CDH11: variants seen among roughly 807,000 people sequenced by gnomAD.
CDH11 encodes the protein cadherin 11.
In CDH11, 11 loss-of-function variants were observed where a neutral mutation model predicts 67.8. That is an observed-to-expected ratio of 0.16 (90% CI 0.10 to 0.27). The LOEUF (loss-of-function observed/expected upper bound fraction) is 0.27. Among genes scored for constraint, CDH11 ranks in the 10% least tolerant of loss-of-function variants. The pLI, the probability that CDH11 is intolerant of heterozygous loss-of-function variation, is 1.00. For synonymous variants in CDH11, 419 were observed against 400.0 expected (o/e 1.05, Z -0.57); for missense variants, 847 against 1,031.2 (o/e 0.82, Z 2.45).
intron 2 of CDH11, among the ~76,000 whole-genome samples, chr16:65,021,946 T>A (rs1022600882): frequency 2.0e-5 from 3 of 150,482 alleles, no homozygotes; most frequent in African/African-American, 7.3e-5. Context: ...GGGTAAAGTT[T>A]AAGTAAATGG....
At chr16:65,032,265 T>C (rs575450618) in intron 2 of CDH11, among the ~76,000 whole-genome samples, 5 of 151,192 alleles carry the variant, frequency 3.3e-5, no homozygotes, top group African/African-American at 1.2e-4. Flanking sequence ...GACAGGCAGA[T>C]TGCTTGAACT....
Position 65,021,193 on chromosome 16 carries a change from A to G in CDH11, c.-172-16152T>C, listed in dbSNP as rs182295017. 7.2e-5 allele frequency among the ~76,000 whole-genome samples: 11 copies of G among 152,294 alleles called. No individual in the cohort carries two copies. The East Asian group carries it at 1.9e-3, about 27-fold the overall frequency. On this transcript the variant is annotated intron_variant, in intron 2 of 12. Transcript: ENST00000268603. ...TATATTCCCTACATAGTTATTACACACCAAAGCTCTCTCATAATCCAAAGT... is the reference window on the plus strand; with the variant it reads ...TATATTCCCTACATAGTTATTACACGCCAAAGCTCTCTCATAATCCAAAGT...
chr16:65,000,580 T>C (rs1567519634), intron 3 of CDH11, among the ~76,000 whole-genome samples: 1 of 152,168 alleles, frequency 6.6e-6, no homozygotes, highest in Non-Finnish European at 1.5e-5. Flanking sequence ...GCAGATCACT[T>C]GAGGTCGGGG....
chr16:65,107,925 T>C (rs780310516), intron 1 of CDH11, among the ~76,000 whole-genome samples: 3 of 152,144 alleles, frequency 2.0e-5, no homozygotes, highest in Non-Finnish European at 4.4e-5. Flanking sequence ...TTATCAGCAA[T>C]GCCAGCATTG....
intron 1 of CDH11, among the ~76,000 whole-genome samples, chr16:65,093,547 T>G (rs565166685): frequency 1.3e-5 from 2 of 152,186 alleles, no homozygotes; most frequent in South Asian, 4.2e-4. Flanking sequence ...GGATTATTTT[T>G]CGACATGAAT....
chr16:65,048,027 G>T (rs150110048), intron 2 of CDH11, among the ~76,000 whole-genome samples: 357 of 152,304 alleles, frequency 2.3e-3, no homozygotes, highest in Non-Finnish European at 3.9e-3. Context: ...TTCTTTGGAA[G>T]CAACAGTACG....
intron 2 of CDH11, among the ~76,000 whole-genome samples, chr16:65,019,881 C>T (rs920965246): frequency 1.3e-4 from 20 of 151,956 alleles, no homozygotes; most frequent in Non-Finnish European, 2.5e-4. Flanking sequence ...AATTCTTTAA[C>T]CCTCTAAACT....
chr16:65,059,721 T>C (rs1294894656), intron 1 of CDH11: 1 of 152,194 alleles, frequency 6.6e-6, no homozygotes, highest in African/African-American at 2.4e-5. Context: ...CCAGGGACAA[T>C]AGAATTCTTG....
At chr16:65,030,672 G>A (rs1444183370) in intron 2 of CDH11, among the ~76,000 whole-genome samples, 1 of 152,206 alleles carries the variant, frequency 6.6e-6, no homozygotes. Flanking sequence ...CAAGGCTCAA[G>A]TGATTCTCCT....
intron 12 of CDH11, chr16:64,948,890 G>A (rs979270003): frequency 1.2e-6 from 1 of 827,954 alleles, no homozygotes; most frequent in Admixed American, 2.9e-5. Context: ...TATTCCATTA[G>A]AAGGCTCTCC....
chr16:65,074,961 G>A (rs889638134), intron 1 of CDH11, among the ~76,000 whole-genome samples: 30 of 152,166 alleles, frequency 2.0e-4, no homozygotes, highest in Admixed American at 1.7e-3. Flanking sequence ...GCACACACAT[G>A]CGCACATACA....
At chr16:65,015,037 T>TTATTATTATTATTAC (rs2073271817) in intron 2 of CDH11, among the ~76,000 whole-genome samples, 1 of 147,564 alleles carries the variant, frequency 6.8e-6, no homozygotes, top group African/African-American at 2.5e-5. Flanking sequence ...ATTATTATTA[T>TTATTATTATTATTAC]TATTATTATT....
chr16:65,006,608 C>A (rs1050525055), intron 2 of CDH11, among the ~76,000 whole-genome samples: 4 of 152,186 alleles, frequency 2.6e-5, no homozygotes, highest in Admixed American at 2.0e-4. Flanking sequence ...ACTGGACATG[C>A]AATAGGTTCC....
At chr16:65,084,013 A>G (rs1468055983) in intron 1 of CDH11, among the ~76,000 whole-genome samples, 1 of 152,162 alleles carries the variant, frequency 6.6e-6, no homozygotes, top group Non-Finnish European at 1.5e-5. Context: ...GCATCTGATG[A>G]GTAGATACCA....
intron 1 of CDH11, among the ~76,000 whole-genome samples, chr16:65,055,154 G>C (rs1438721523): frequency 1.3e-5 from 2 of 152,200 alleles, no homozygotes; most frequent in African/African-American, 4.8e-5. Flanking sequence ...AATGCATAAC[G>C]AATGAGGAAG....
Position 65,005,024 on chromosome 16 carries a change from C to T in CDH11, c.-155G>A, listed in dbSNP as rs763813715. The T allele has an allele frequency of 1.2e-4, 158 of 1,359,554 alleles. No homozygotes were observed. Among genetic ancestry groups the T allele is most frequent in the Non-Finnish European group, 8.6e-5 (91 of 1,055,936 alleles). The allele number at this position is 1,359,554 out of a possible 1,614,324, so 84.2% of individuals were successfully genotyped here. A position where few individuals can be genotyped will look rare whatever the true frequency, so the allele number is the denominator to read the frequency against. ...TTGAGCTCATCACGTCAGGGCTGCC[C>T]ACGTCCCCAGTTAGCTTCTGCAAGC... On this transcript the variant is annotated 5_prime_UTR_variant, in exon 3 of 13. Coordinates refer to ENST00000268603, the MANE Select transcript of CDH11 (RefSeq NM_001797.4).
At chr16:65,048,782 A>G (rs1048041719) in intron 2 of CDH11, among the ~76,000 whole-genome samples, 2 of 151,984 alleles carry the variant, frequency 1.3e-5, no homozygotes, top group Admixed American at 6.6e-5. Context: ...TGTATGTAGA[A>G]TATATATATA....
intron 12 of CDH11, among the ~76,000 whole-genome samples, chr16:64,949,408 AG>A (rs2071289349): frequency 6.9e-6 from 1 of 144,068 alleles, no homozygotes; most frequent in African/African-American, 2.6e-5. Context: ...AGGCAATGTT[AG>A]GTGCCTTTTT....
At chr16:65,088,194 C>T (rs1023646102) in intron 1 of CDH11, among the ~76,000 whole-genome samples, 1 of 152,166 alleles carries the variant, frequency 6.6e-6, no homozygotes, top group African/African-American at 2.4e-5. Flanking sequence ...CTATTTGGAA[C>T]GGGCCCTCAC....
Sources: allele counts gnomAD v4.1 joint callset (sites outside exome capture counted in the v4.1 genomes callset), GRCh38; gene constraint gnomAD v4.1.1; transcripts MANE v1.5; gene names NCBI Gene and HGNC (gene_info 2026-07-23, HGNC 2026-07-21).